SSBP3: variants seen among roughly 807,000 people sequenced by gnomAD.
SSBP3 encodes the protein single-stranded DNA-binding protein 3.
A neutral mutation model predicts 69.6 loss-of-function variants in SSBP3; 5 were observed. The ratio of observed to expected loss-of-function variants is 0.07; its 90% CI spans 0.04 to 0.15. SSBP3 has a LOEUF of 0.15. Among genes scored for constraint, SSBP3 ranks in the 10% least tolerant of loss-of-function variants. The probability of loss-of-function intolerance (pLI) is 1.00; values close to 1 mark genes in which losing one functional copy is unlikely to be tolerated. For missense variants in SSBP3, 312 were observed against 534.0 expected, an observed-to-expected ratio of 0.58 and a Z score of 4.10; for synonymous variants, 196 against 193.4, an observed-to-expected ratio of 1.01 and a Z score of -0.11.
chr1:54,238,957 ATG>A, intron 14 of SSBP3, 170 bp downstream of exon 14: 3 of 455,928 alleles, frequency 6.6e-6, no homozygotes, highest in Non-Finnish European at 8.6e-6. Context: ...CCTGCCGCCC[ATG>A]AAATGGGAAC....
At chr1:54,321,996 T>C (rs1003068386) in intron 4 of SSBP3, among the ~76,000 whole-genome samples, 4 of 152,212 alleles carry the variant, frequency 2.6e-5, no homozygotes, top group Non-Finnish European at 5.9e-5. Context: ...TGCTCAACCC[T>C]GCCCTTCCAA....
chr1:54,394,573 A>G (rs1204729565), intron 4 of SSBP3, among the ~76,000 whole-genome samples: 1 of 152,138 alleles, frequency 6.6e-6, no homozygotes, highest in Non-Finnish European at 1.5e-5. Flanking sequence ...CCGACTGATC[A>G]AGGCCTCAGG....
intron 13 of SSBP3, among the ~76,000 whole-genome samples, chr1:54,240,270 G>T (rs1644606852): frequency 1.3e-5 from 2 of 148,808 alleles, no homozygotes; most frequent in Non-Finnish European, 2.9e-5. Context: ...GCCAGCCTGG[G>T]TACATGGTGA....
At chr1:54,225,515 C>A in exon 18 of SSBP3, 2 of 1,027,438 alleles carry the variant, frequency 1.9e-6, no homozygotes, top group Non-Finnish European at 2.5e-6. Context: ...ACTTTTTTTT[C>A]CTCTCTTAAT....
chr1:54,387,416 C>G (rs1648172345), intron 4 of SSBP3, among the ~76,000 whole-genome samples: 1 of 152,184 alleles, frequency 6.6e-6, no homozygotes, highest in Non-Finnish European at 1.5e-5. Flanking sequence ...CCAACGTGGG[C>G]TCTTTGCTGA....
At chr1:54,331,867 T>C (rs1247318294) in intron 4 of SSBP3, among the ~76,000 whole-genome samples, 2 of 152,338 alleles carry the variant, frequency 1.3e-5, no homozygotes, top group African/African-American at 4.8e-5. Context: ...TGGAAATGCA[T>C]GCCTGAGCCT....
At chr1:54,257,172 C>T (rs143457918) in exon 7 of SSBP3, 93 of 1,601,466 alleles carry the variant, frequency 5.8e-5, no homozygotes, top group East Asian at 4.8e-4. Flanking sequence ...CTGCGTATCG[C>T]GGTGACATAA....
chr1:54,365,895 C>T (rs75910960), intron 4 of SSBP3, among the ~76,000 whole-genome samples: 55 of 152,346 alleles, frequency 3.6e-4, no homozygotes, highest in African/African-American at 1.3e-3. Flanking sequence ...CAGCCACTTA[C>T]TAGCTGTATA....
intron 4 of SSBP3, among the ~76,000 whole-genome samples, chr1:54,357,100 GGGAAGACA>G (rs1042433161): frequency 6.6e-6 from 1 of 152,154 alleles, no homozygotes; most frequent in African/African-American, 2.4e-5. Flanking sequence ...AAGGGAGGGA[GGGAAGACA>G]GGAAGAGAGG....
intron 5 of SSBP3, among the ~76,000 whole-genome samples, chr1:54,272,404 G>A (rs779282857): frequency 1.3e-5 from 2 of 151,814 alleles, no homozygotes; most frequent in Admixed American, 1.3e-4. Context: ...ATGTCATGCC[G>A]AGGCGTGTTA....
rs533206034 is a variant in SSBP3, at chr1:54,275,397, G to A, written c.366+6041C>T. ...CTCCCCTTGTCACAAACTTGTCCTC[G>A]TCAGCAAAGAGAGGCCTTTCCTGCT... On this transcript the variant is annotated intron_variant, in intron 5 of 17. Coordinates refer to ENST00000610401, the Ensembl canonical transcript of SSBP3. Among the ~76,000 whole-genome samples, 46 of 152,312 alleles carry A rather than the reference G, an allele frequency of 3.0e-4. 1 individual carries two copies. In the South Asian group the frequency reaches 3.5e-3, roughly 12 times the overall value.
intron 4 of SSBP3, among the ~76,000 whole-genome samples, chr1:54,297,906 C>T (rs1645729694): frequency 6.6e-6 from 1 of 152,090 alleles, no homozygotes; most frequent in Admixed American, 6.5e-5. Flanking sequence ...AGGGATCCAG[C>T]TTCTGGGAGC....
intron 4 of SSBP3, among the ~76,000 whole-genome samples, chr1:54,334,604 C>T (rs1044277656): frequency 6.6e-6 from 1 of 152,282 alleles, no homozygotes; most frequent in African/African-American, 2.4e-5. Context: ...AAGCCAGGGT[C>T]TCCTCTTCCA....
intron 14 of SSBP3, among the ~76,000 whole-genome samples, chr1:54,235,898 T>TA (rs1208282992): frequency 1.3e-5 from 2 of 152,230 alleles, no homozygotes; most frequent in African/African-American, 4.8e-5. Flanking sequence ...AAGAAATTGA[T>TA]AAAGTCCTGT....
chr1:54,230,116 G>T (rs372495143), intron 14 of SSBP3, among the ~76,000 whole-genome samples: 45 of 152,308 alleles, frequency 3.0e-4, no homozygotes, highest in African/African-American at 1.1e-3. Context: ...AGAAAGGGGT[G>T]TAAGGGGTAA....
chr1:54,236,344 C>T (rs1644494787), intron 14 of SSBP3: 1 of 152,136 alleles, frequency 6.6e-6, no homozygotes, highest in Non-Finnish European at 1.5e-5. Context: ...CTTTAACTCC[C>T]GACGGACCCC....
chr1:54,388,810 T>C (rs1000086775), intron 4 of SSBP3, among the ~76,000 whole-genome samples: 2 of 151,882 alleles, frequency 1.3e-5, no homozygotes, highest in East Asian at 1.9e-4. Flanking sequence ...AGAGCAGGGG[T>C]GGATGGGCCT....
chr1:54,281,970 C>G (rs1482734447), intron 4 of SSBP3, among the ~76,000 whole-genome samples: 1 of 151,788 alleles, frequency 6.6e-6, no homozygotes, highest in Non-Finnish European at 1.5e-5. Flanking sequence ...GTGGCATACG[C>G]CTGTAGTTCC....
chr1:54,406,205 G>C (rs1325799846), exon 1 of SSBP3: 2 of 435,110 alleles, frequency 4.6e-6, no homozygotes, highest in Non-Finnish European at 3.9e-6. Context: ...AGCTGTCAAA[G>C]CGTCAGCCCC....
Sources: gnomAD v4.1 joint callset for allele counts (sites outside exome capture counted in the v4.1 genomes callset) on GRCh38, gnomAD v4.1.1 for gene constraint, MANE v1.5 for transcripts, NCBI Gene and HGNC (gene_info 2026-07-23, HGNC 2026-07-21) for gene names.